Variants in RTEL1 observed in about 807,000 individuals in gnomAD.
RTEL1 encodes the protein regulator of telomere length.
A neutral mutation model predicts 162.2 loss-of-function variants in RTEL1; 86 were observed. That is an observed-to-expected ratio of 0.53 (90% CI 0.45 to 0.63). The LOEUF (loss-of-function observed/expected upper bound fraction) is 0.63, where lower values mean the gene tolerates loss of function less well. RTEL1 is among the 30% of genes least tolerant of loss of function. The pLI, the probability that RTEL1 is intolerant of heterozygous loss-of-function variation, is 0.00. For missense variants in RTEL1, 1,941 were observed against 1,750.2 expected, an observed-to-expected ratio of 1.11 and a Z score of -1.95; for synonymous variants, 958 against 717.9, an observed-to-expected ratio of 1.33 and a Z score of -5.35.
intron 14 of RTEL1, chr20:63,682,703 C>A (rs1601146530): frequency 1.0e-6 from 1 of 985,726 alleles, no homozygotes; most frequent in African/African-American, 1.7e-5. Context: ...GGGCCTGCAG[C>A]CCTGAGTCAC....
chr20:63,685,187 C>T (rs940493200), intron 14 of RTEL1, among the ~76,000 whole-genome samples: 1 of 152,106 alleles, frequency 6.6e-6, no homozygotes, highest in African/African-American at 2.4e-5. Flanking sequence ...TGCACTAGGC[C>T]ATGTTGAATT....
At chr20:63,682,221 C>T (rs904207101) in intron 14 of RTEL1, 5 of 985,446 alleles carry the variant, frequency 5.1e-6, no homozygotes, top group Admixed American at 6.1e-5. Flanking sequence ...AATGCGGCTT[C>T]CAAGGCTTCC....
intron 6 of RTEL1, chr20:63,665,109 AGT>A (rs112246475): frequency 8.9e-4 from 136 of 153,308 alleles, no homozygotes; most frequent in South Asian, 2.4e-3. Flanking sequence ...GGTGTGTGTG[AGT>A]GTGTGTGTGT....
chr20:63,661,505 A>G lies in RTEL1; in HGVS notation c.301+9A>G, dbSNP rs1263014960. 6.2e-7 allele frequency: 1 copy of G among 1,606,568 alleles called. No homozygotes were observed. The highest frequency in any genetic ancestry group is 8.5e-7 in the Non-Finnish European group (1 of 1,179,188). ...TGCTGGAGACCCCATAGGTGACCCT[A>G]GTTCCCAGGCCTCTCCTGGCCTCCT... On this transcript the variant is annotated intron_variant, in intron 3 of 34. Transcript: ENST00000360203. This position sits in a 1 kb window ranked among gnomAD's most constrained non-coding sequence, Gnocchi z 5.1.
chr20:63,679,238 G>A (rs562849463), intron 12 of RTEL1, among the ~76,000 whole-genome samples: 3 of 152,186 alleles, frequency 2.0e-5, no homozygotes, highest in African/African-American at 7.2e-5. Context: ...GAGGTGGAGC[G>A]TGTTCTGCCT....
At chr20:63,679,445 C>T (rs1221833641) in intron 12 of RTEL1, among the ~76,000 whole-genome samples, 1 of 151,282 alleles carries the variant, frequency 6.6e-6, no homozygotes, top group Non-Finnish European at 1.5e-5. Flanking sequence ...CCCAGAAGCC[C>T]CTGACAACCT....
intron 28 of RTEL1, chr20:63,692,478 C>T (rs1472945081): frequency 6.5e-5 from 27 of 413,920 alleles, no homozygotes; most frequent in Middle Eastern, 6.9e-4. Flanking sequence ...GCCGCATCCG[C>T]TGTGGGGCAG....
upstream of RTEL1, chr20:63,658,073 C>T (rs2089945415): frequency 6.6e-6 from 1 of 152,484 alleles, no homozygotes; most frequent in East Asian, 1.9e-4. Context: ...GTGGCTCGGC[C>T]TAGAGAGGCG....
rs115423936 is a variant in RTEL1 at position 63,688,532 on chromosome 20, G to T, written c.1727G>T (p.Arg576Leu). The T allele has an allele frequency of 6.2e-7, 1 of 1,610,344 alleles. No individual in the cohort carries two copies. The highest frequency in any genetic ancestry group is 8.5e-7 in the Non-Finnish European group (1 of 1,179,488). ...MEKSLEFWRA[R>L]DLARKMEALK... is the part of the protein sequence containing the mutation. ...CCCTGCCTCTTCCTCCCACAGGCCC[G>T]CGACTTGGCCAGGAAGATGGAGGCG... Residue 576 changes from arginine to leucine, a missense_variant, in exon 21 of 35, where the codon CGC (arginine) becomes CTC (leucine). Arg to Leu is a moderately radical substitution (Grantham distance 102). Transcript: ENST00000360203.
chr20:63,689,704 C>T (rs769401358), intron 23 of RTEL1, 46 bp from the exon 24 acceptor site: 1 of 1,605,050 alleles, frequency 6.2e-7, no homozygotes. Flanking sequence ...GAGCCCCCGC[C>T]CCGTGGCCAA....
chr20:63,690,091 G>A lies in RTEL1; in HGVS notation c.2146G>A (p.Ala716Thr), dbSNP rs200003693. ...GAVFLCDHRF[A>T]FADARAQLPS... is the part of the protein sequence containing the mutation. ...AGGGCTATGGCCACCCCCCAGGTTCGCCTTTGCCGACGCAAGAGCCCAACT... is the reference window on the plus strand; with the variant it reads ...AGGGCTATGGCCACCCCCCAGGTTCACCTTTGCCGACGCAAGAGCCCAACT... The change falls in exon 25 of 35, where the codon GCC becomes ACC. Residue 716 changes from alanine to threonine, a missense_variant. Ala to Thr is a moderately conservative substitution (Grantham distance 58, BLOSUM62 0). Coordinates refer to ENST00000360203, the MANE Select transcript of RTEL1 (RefSeq NM_001283009.2). 409 of 1,610,854 alleles carry A rather than the reference G, an allele frequency of 2.5e-4. 3 individuals carry two copies. Among genetic ancestry groups the A allele is most frequent in the Non-Finnish European group, 1.4e-4 (162 of 1,179,662 alleles).
chr20:63,694,598 ATGG>A, intron 31 of RTEL1, 110 bp downstream of exon 31: 1 of 1,222,570 alleles, frequency 8.2e-7, no homozygotes, highest in Non-Finnish European at 1.2e-6. Context: ...GAGCCATCTC[ATGG>A]TGGGGACTGC....
At chr20:63,680,587 C>T (rs1200978934) in intron 13 of RTEL1, 77 bp from the exon 14 acceptor site, 6 of 1,510,328 alleles carry the variant, frequency 4.0e-6, no homozygotes, top group Non-Finnish European at 5.5e-6. Flanking sequence ...TGAGCGGGCT[C>T]ATGCTGGAAG....
intron 7 of RTEL1, among the ~76,000 whole-genome samples, chr20:63,666,736 C>G (rs1033245958): frequency 6.6e-6 from 1 of 151,860 alleles, no homozygotes; most frequent in African/African-American, 2.4e-5. Context: ...GGGTCTCACT[C>G]TGTTGCTCAG....
chr20:63,672,133 C>T (rs1202723286), intron 8 of RTEL1, among the ~76,000 whole-genome samples: 3 of 152,040 alleles, frequency 2.0e-5, no homozygotes, highest in South Asian at 4.1e-4. Flanking sequence ...CCGCCCGCCT[C>T]GGCCTCCCAA....
Position 63,685,564 on chromosome 20 carries a change from C to T in RTEL1, c.1233C>T (p.Ser411=). ...SVDPSEGSPG[S]PAGLGALQSY... is the part of the protein sequence containing the mutation. The stretch of plus-strand genomic sequence containing the variant: ...ACCCCTCCGAGGGCAGCCCTGGTTC[C>T]CCAGCAGGGCTGGGGGCCTTACAGT... Residue 411 remains serine (S), a synonymous_variant, in exon 15 of 35, where the codon TCC becomes TCT. Coordinates refer to ENST00000360203, the MANE Select transcript of RTEL1 (RefSeq NM_001283009.2). The T allele has an allele frequency of 6.2e-7, 1 of 1,612,556 alleles. No individual in the cohort carries two copies.
At chr20:63,669,681 A>G (rs2090209055) in intron 8 of RTEL1, among the ~76,000 whole-genome samples, 1 of 150,788 alleles carries the variant, frequency 6.6e-6, no homozygotes. Context: ...CCACTGGGAG[A>G]GCATCCGGAC....
upstream of RTEL1, chr20:63,657,977 A>T (rs971450656): frequency 6.6e-6 from 1 of 152,264 alleles, no homozygotes; most frequent in African/African-American, 2.4e-5. Flanking sequence ...CCGTTTTCAA[A>T]TTTTCAGGAA....
chr20:63,662,607 CAA>C lies in RTEL1; in HGVS notation c.458_459del (p.Gln153ArgfsTer3), dbSNP rs773025155. On this transcript the variant is annotated frameshift_variant, in exon 5 of 35. Transcript: ENST00000360203. LOFTEE classifies it high-confidence loss of function. ...QLCIHPEVKK[Q>X]ESNHLQIHLC... Reference sequence around the variant, plus strand: ...GTGCATCCATCCTGAGGTGAAGAAACAAGAGAGTAACCATCTACAGGTAGGCT... The same window carrying C: ...GTGCATCCATCCTGAGGTGAAGAAACGAGAGTAACCATCTACAGGTAGGCT... The C allele has an allele frequency of 8.1e-6, 13 of 1,613,894 alleles. No individual in the cohort carries two copies. Among genetic ancestry groups the C allele is most frequent in the Admixed American group, 3.3e-5 (2 of 59,978 alleles).
Sources: allele counts gnomAD v4.1 joint callset (sites outside exome capture counted in the v4.1 genomes callset), GRCh38; gene constraint gnomAD v4.1.1; non-coding constraint Gnocchi (gnomAD v3.1); transcripts MANE v1.5; gene names NCBI Gene and HGNC (gene_info 2026-07-23, HGNC 2026-07-21).